The following LRBA variants were observed in gnomAD, a reference collection of about 807,000 sequenced individuals.
The protein encoded by LRBA is lipopolysaccharide-responsive and beige-like anchor protein.
In LRBA, 176 loss-of-function variants were observed where a neutral mutation model predicts 330.0. The ratio of observed to expected loss-of-function variants is 0.53; its 90% CI spans 0.47 to 0.60. The LOEUF (loss-of-function observed/expected upper bound fraction) is 0.60, where lower values mean the gene tolerates loss of function less well. Ranked by LOEUF, LRBA falls within the 20% of genes least tolerant of loss-of-function variation. The pLI, the probability that LRBA is intolerant of heterozygous loss-of-function variation, is 0.00. For synonymous variants in LRBA, 1,230 were observed against 1,193.0 expected (o/e 1.03, Z -0.64); for missense variants, 3,259 against 3,444.8 (o/e 0.95, Z 1.35).
chr4:150,778,265 A>G (rs1737698635), intron 34 of LRBA, among the ~76,000 whole-genome samples: 1 of 152,162 alleles, frequency 6.6e-6, no homozygotes, highest in Non-Finnish European at 1.5e-5. Context: ...TTTTGTGAAC[A>G]TATTCATCTA....
At chr4:150,683,433 A>T (rs1056585064) in intron 37 of LRBA, 118 bp downstream of exon 37, 6 of 806,516 alleles carry the variant, frequency 7.4e-6, no homozygotes, top group Non-Finnish European at 1.2e-5. Context: ...AGAGATGATG[A>T]AAGACAAAAT....
chr4:150,529,658 G>T (rs1279626570), intron 40 of LRBA, among the ~76,000 whole-genome samples: 1 of 151,576 alleles, frequency 6.6e-6, no homozygotes, highest in Non-Finnish European at 1.5e-5. Context: ...GGTAGCGGAG[G>T]TTGCAGTGAG....
intron 37 of LRBA, among the ~76,000 whole-genome samples, chr4:150,612,691 G>A (rs371625968): frequency 3.3e-5 from 5 of 152,296 alleles, no homozygotes; most frequent in African/African-American, 1.2e-4. Context: ...CTGCTACCGT[G>A]TGGAAAGAAC....
intron 53 of LRBA, among the ~76,000 whole-genome samples, chr4:150,294,665 C>G (rs968848312): frequency 2.0e-5 from 3 of 152,140 alleles, no homozygotes; most frequent in Non-Finnish European, 4.4e-5. Context: ...GTAGTAGTAG[C>G]AGCAGGCCAG....
intron 17 of LRBA, among the ~76,000 whole-genome samples, chr4:150,890,426 C>T (rs1163377510): frequency 2.0e-5 from 3 of 151,580 alleles, no homozygotes; most frequent in African/African-American, 7.3e-5. Context: ...CAGCAAATAG[C>T]CAGGCTAAGA....
At position 150,642,185 on chromosome 4, in the gene LRBA, C is replaced by G. The variant is rs1778742183; in HGVS notation, c.5921+41366G>C. Reference sequence around the variant, plus strand: ...CACACCAATGAGCAATTCAAAAGCACAAGAATACATTCATATGTAAATTCT... The same window carrying G: ...CACACCAATGAGCAATTCAAAAGCAGAAGAATACATTCATATGTAAATTCT... On this transcript the variant is annotated intron_variant, in intron 37 of 56. Transcript: ENST00000651943. 1.3e-5 allele frequency among the ~76,000 whole-genome samples: 2 copies of G among 151,890 alleles called. 1 individual carries two copies. Among genetic ancestry groups the G allele is most frequent in the South Asian group, 4.1e-4 (2 of 4,834 alleles).
Position 150,900,222 on chromosome 4 carries a change from A to G in LRBA, c.1756-5T>C. 1 of 1,598,976 alleles carries G rather than the reference A, an allele frequency of 6.3e-7. No individual in the cohort carries two copies. The highest frequency in any genetic ancestry group is 8.5e-7 in the Non-Finnish European group (1 of 1,171,218). ...AGTATAGAGCATCAGTTGAACCTACAGAATAAAAATGAAGAACTTAGAGAA... is the reference window on the plus strand; with the variant it reads ...AGTATAGAGCATCAGTTGAACCTACGGAATAAAAATGAAGAACTTAGAGAA... On this transcript the variant is annotated splice_region_variant and splice_polypyrimidine_tract_variant and intron_variant, in intron 13 of 56. Coordinates refer to ENST00000651943, the MANE Select transcript of LRBA (RefSeq NM_001364905.1).
Position 150,906,001 on chromosome 4 carries a change from A to T in LRBA, c.1603-11T>A, listed in dbSNP as rs888314218. Reference sequence around the variant, plus strand: ...ATGAGATTTGGAAGACTGCAAAAAAAGTAGTTCAAATGTTACCACAAATTC... The same window carrying T: ...ATGAGATTTGGAAGACTGCAAAAAATGTAGTTCAAATGTTACCACAAATTC... On this transcript the variant is annotated splice_polypyrimidine_tract_variant and intron_variant, in intron 12 of 56. Coordinates refer to ENST00000651943, the MANE Select transcript of LRBA (RefSeq NM_001364905.1). 1.2e-6 allele frequency: 2 copies of T among 1,611,536 alleles called. No individual in the cohort carries two copies. Among genetic ancestry groups the T allele is most frequent in the African/African-American group, 2.7e-5 (2 of 74,982 alleles).
intron 37 of LRBA, among the ~76,000 whole-genome samples, chr4:150,650,053 T>C (rs1779563563): frequency 6.6e-6 from 1 of 152,204 alleles, no homozygotes; most frequent in Non-Finnish European, 1.5e-5. Flanking sequence ...TGCTAATTTA[T>C]TTTATTCTCA....
At chr4:150,939,008 A>G (rs1275579506) in intron 2 of LRBA, among the ~76,000 whole-genome samples, 2 of 152,164 alleles carry the variant, frequency 1.3e-5, no homozygotes, top group African/African-American at 4.8e-5. Context: ...AGTTCACCAA[A>G]AGTGTCTTTT....
chr4:150,528,903 T>C (rs1763769392), intron 40 of LRBA, among the ~76,000 whole-genome samples: 1 of 152,184 alleles, frequency 6.6e-6, no homozygotes, highest in Admixed American at 6.5e-5. Flanking sequence ...CTTCTATATA[T>C]ATTTATATGA....
At chr4:150,641,697 T>C (rs999350603) in intron 37 of LRBA, among the ~76,000 whole-genome samples, 1 of 152,116 alleles carries the variant, frequency 6.6e-6, no homozygotes, top group East Asian at 1.9e-4. Context: ...TGTTCTTCTT[T>C]ATATGCACAA....
At chr4:150,605,317 T>C (rs980016045) in intron 37 of LRBA, among the ~76,000 whole-genome samples, 1 of 152,206 alleles carries the variant, frequency 6.6e-6, no homozygotes, top group African/African-American at 2.4e-5. Context: ...ATATGAGTTT[T>C]AAAAAGAAAA....
At chr4:150,614,502 G>A (rs1444427616) in intron 37 of LRBA, among the ~76,000 whole-genome samples, 1 of 152,004 alleles carries the variant, frequency 6.6e-6, no homozygotes, top group Admixed American at 6.6e-5. Context: ...ATTGAAACTT[G>A]CCTAAAATTG....
chr4:150,731,290 T>C (rs983533695), intron 36 of LRBA, among the ~76,000 whole-genome samples: 1 of 152,180 alleles, frequency 6.6e-6, no homozygotes, highest in Non-Finnish European at 1.5e-5. Context: ...CACTGCTAGG[T>C]ATATATCCAA....
intron 40 of LRBA, among the ~76,000 whole-genome samples, chr4:150,575,630 C>A (rs1439795155): frequency 6.6e-6 from 1 of 151,736 alleles, no homozygotes; most frequent in African/African-American, 2.4e-5. Context: ...CACATAATGC[C>A]AAATATTATA....
intron 40 of LRBA, among the ~76,000 whole-genome samples, chr4:150,510,127 G>A (rs2152133124): frequency 6.6e-6 from 1 of 152,090 alleles, no homozygotes; most frequent in Middle Eastern, 3.4e-3. Flanking sequence ...GCGGCAGAGT[G>A]AGACTCCATC....
At chr4:150,939,682 G>A (rs1210506657) in intron 2 of LRBA, among the ~76,000 whole-genome samples, 4 of 152,136 alleles carry the variant, frequency 2.6e-5, no homozygotes, top group African/African-American at 9.7e-5. Context: ...AGAACTCTTA[G>A]AAAAGCCAAA....
intron 40 of LRBA, among the ~76,000 whole-genome samples, chr4:150,574,026 T>A (rs1024135197): frequency 6.6e-6 from 1 of 152,124 alleles, no homozygotes; most frequent in African/African-American, 2.4e-5. Context: ...CAATACCCAA[T>A]GTTCATTAAA....
Sources: allele counts gnomAD v4.1 joint callset (sites outside exome capture counted in the v4.1 genomes callset), GRCh38; gene constraint gnomAD v4.1.1; transcripts MANE v1.5; gene names NCBI Gene and HGNC (gene_info 2026-07-23, HGNC 2026-07-21).